GRM3: variants seen among roughly 807,000 people sequenced by gnomAD.
GRM3 encodes glutamate metabotropic receptor 3.
A neutral mutation model predicts 70.5 loss-of-function variants in GRM3; 26 were observed. The ratio of observed to expected loss-of-function variants is 0.37; its 90% CI spans 0.27 to 0.51. GRM3 has a LOEUF of 0.51. Among genes scored for constraint, GRM3 ranks in the 20% least tolerant of loss-of-function variants. GRM3 has a pLI of 0.93. For missense variants in GRM3, 859 were observed against 1,123.8 expected (o/e 0.76, Z 3.37); for synonymous variants, 443 against 434.9 (o/e 1.02, Z -0.23).
At chr7:86,755,184 G>A (rs907120687) in intron 1 of GRM3, among the ~76,000 whole-genome samples, 1 of 151,512 alleles carries the variant, frequency 6.6e-6, no homozygotes, top group Non-Finnish European at 1.5e-5. Flanking sequence ...GGAAAACTGT[G>A]GTGTAGTTTC....
chr7:86,644,675 A>T lies in GRM3; in HGVS notation c.-338A>T. On this transcript the variant is annotated 5_prime_UTR_variant, in exon 1 of 6. Transcript: ENST00000361669. ...GGGCAGGGGCAGGGGGCACTGTGACAGGAAGCTGCGCGCACAAGTTGGCCA... is the reference window on the plus strand; with the variant it reads ...GGGCAGGGGCAGGGGGCACTGTGACTGGAAGCTGCGCGCACAAGTTGGCCA... The T allele has an allele frequency of 1.5e-6, 1 of 659,592 alleles. No individual in the cohort carries two copies. The highest frequency in any genetic ancestry group is 2.4e-6 in the Non-Finnish European group (1 of 412,356). The allele number at this position is 659,592 out of a possible 1,614,324, so 40.9% of individuals were successfully genotyped here.
intron 1 of GRM3, among the ~76,000 whole-genome samples, chr7:86,730,444 T>G (rs190458665): frequency 2.2e-3 from 335 of 152,290 alleles, no homozygotes; most frequent in Non-Finnish European, 3.6e-3. Flanking sequence ...ATAACATAAC[T>G]CATAGCCATA....
At chr7:86,850,945 T>C (rs1218543817) in intron 5 of GRM3, among the ~76,000 whole-genome samples, 1 of 152,120 alleles carries the variant, frequency 6.6e-6, no homozygotes, top group African/African-American at 2.4e-5. Context: ...AGATTGGTGT[T>C]TTATAAAATA....
At chr7:86,796,274 T>C (rs1797548424) in intron 3 of GRM3, among the ~76,000 whole-genome samples, 1 of 152,236 alleles carries the variant, frequency 6.6e-6, no homozygotes, top group Non-Finnish European at 1.5e-5. Flanking sequence ...TTTAATTTTC[T>C]GCATATGGCT....
chr7:86,819,387 C>A (rs1212811123), intron 3 of GRM3, among the ~76,000 whole-genome samples: 3 of 152,068 alleles, frequency 2.0e-5, no homozygotes, highest in African/African-American at 7.2e-5. Context: ...TGTCCTAAAA[C>A]TGTTATTGCT....
intron 1 of GRM3, among the ~76,000 whole-genome samples, chr7:86,675,117 AGTT>A (rs1195338450): frequency 6.6e-6 from 1 of 152,070 alleles, no homozygotes; most frequent in African/African-American, 2.4e-5. Flanking sequence ...GTATAGCACT[AGTT>A]GTTATAATAG....
intron 1 of GRM3, among the ~76,000 whole-genome samples, chr7:86,719,218 G>A (rs1273929425): frequency 1.3e-5 from 2 of 151,968 alleles, no homozygotes; most frequent in African/African-American, 4.8e-5. Context: ...AAGAGAGTAT[G>A]AATACTTTAG....
chr7:86,762,159 G>A (rs753525463), intron 1 of GRM3, among the ~76,000 whole-genome samples: 12 of 152,058 alleles, frequency 7.9e-5, no homozygotes, highest in Non-Finnish European at 4.4e-5. Flanking sequence ...GGAATTGCAC[G>A]TAAAGATCAA....
chr7:86,709,571 G>A (rs578036467), intron 1 of GRM3, among the ~76,000 whole-genome samples: 1 of 151,948 alleles, frequency 6.6e-6, no homozygotes, highest in Non-Finnish European at 1.5e-5. Context: ...CCTTCGGGGG[G>A]GTGGGGGTAG....
chr7:86,749,071 C>T (rs1796170691), intron 1 of GRM3, among the ~76,000 whole-genome samples: 1 of 152,044 alleles, frequency 6.6e-6, no homozygotes, highest in Non-Finnish European at 1.5e-5. Context: ...TGTGCTCATT[C>T]TTTGTACAGC....
At chr7:86,852,046 A>T (rs988191644) in intron 5 of GRM3, among the ~76,000 whole-genome samples, 11 of 152,098 alleles carry the variant, frequency 7.2e-5, no homozygotes, top group Non-Finnish European at 1.3e-4. Flanking sequence ...CCAACCCCTT[A>T]AGGTAAAGAA....
At chr7:86,699,516 CA>C (rs915960817) in intron 1 of GRM3, among the ~76,000 whole-genome samples, 14 of 151,974 alleles carry the variant, frequency 9.2e-5, no homozygotes, top group African/African-American at 3.1e-4. Flanking sequence ...TCATAAGAAG[CA>C]AGCAATATTT....
chr7:86,832,180 A>G (rs1315012305), intron 3 of GRM3, among the ~76,000 whole-genome samples: 1 of 149,942 alleles, frequency 6.7e-6, no homozygotes, highest in Non-Finnish European at 1.5e-5. Flanking sequence ...GATTCATCAG[A>G]TTAGTTCACA....
chr7:86,840,657 T>C (rs879926984), intron 4 of GRM3, among the ~76,000 whole-genome samples: 8 of 152,248 alleles, frequency 5.3e-5, no homozygotes, highest in Non-Finnish European at 1.2e-4. Flanking sequence ...AAATGTAGCA[T>C]TTTATAATTC....
chr7:86,824,334 T>C (rs2116694855), intron 3 of GRM3, among the ~76,000 whole-genome samples: 1 of 152,310 alleles, frequency 6.6e-6, no homozygotes, highest in East Asian at 1.9e-4. Flanking sequence ...CTTCAAAGTA[T>C]ATCATTTTAG....
intron 3 of GRM3, among the ~76,000 whole-genome samples, chr7:86,819,810 CA>C (rs1325741872): frequency 3.9e-5 from 6 of 152,074 alleles, no homozygotes; most frequent in African/African-American, 1.4e-4. Context: ...TGAAAATAGT[CA>C]AAAATTCTCT....
At chr7:86,647,056 T>G (rs1793491480) in intron 1 of GRM3, among the ~76,000 whole-genome samples, 1 of 152,220 alleles carries the variant, frequency 6.6e-6, no homozygotes, top group Non-Finnish European at 1.5e-5. Context: ...ATGTTTAAGT[T>G]GAAATTAATA....
At chr7:86,796,198 TTTACA>T (rs1235180631) in intron 3 of GRM3, among the ~76,000 whole-genome samples, 1 of 152,188 alleles carries the variant, frequency 6.6e-6, no homozygotes, top group Non-Finnish European at 1.5e-5. Flanking sequence ...AGTTTTGGGG[TTTACA>T]TTAAAGTATT....
intron 3 of GRM3, among the ~76,000 whole-genome samples, chr7:86,820,689 C>A (rs1332496781): frequency 2.6e-5 from 4 of 152,082 alleles, no homozygotes. Context: ...ATTAATCATT[C>A]CTCCAGCACA....
Sources: gnomAD v4.1 joint callset for allele counts (sites outside exome capture counted in the v4.1 genomes callset) on GRCh38, gnomAD v4.1.1 for gene constraint, MANE v1.5 for transcripts, NCBI Gene and HGNC (gene_info 2026-07-23, HGNC 2026-07-21) for gene names.